Variants in SMARCA2 observed in about 807,000 individuals in gnomAD.
The protein encoded by SMARCA2 is SWI/SNF-related matrix-associated actin-dependent regulator of chromatin subfamily A member 2.
Under a neutral mutation model 199.8 loss-of-function variants are expected in SMARCA2, and 61 were observed. That is an observed-to-expected ratio of 0.31 (90% CI 0.25 to 0.38). The LOEUF is 0.38. Among genes scored for constraint, SMARCA2 ranks in the 10% least tolerant of loss-of-function variants. The probability of loss-of-function intolerance (pLI) is 1.00; values close to 1 mark genes in which losing one functional copy is unlikely to be tolerated. For missense variants in SMARCA2, 1,344 were observed against 2,012.2 expected (o/e 0.67, Z 6.35); for synonymous variants, 935 against 732.0 (o/e 1.28, Z -4.48).
chr9:2,191,104 G>T (rs1442977462), intron 32 of SMARCA2, among the ~76,000 whole-genome samples, 162 bp from the exon 33 acceptor site: 10 of 152,188 alleles, frequency 6.6e-5, no homozygotes, highest in African/African-American at 2.4e-4. Flanking sequence ...AGTGAAAGGG[G>T]TCGCTGACTA....
At chr9:2,043,848 G>A (rs758441230) in intron 4 of SMARCA2, 9 of 152,220 alleles carry the variant, frequency 5.9e-5, no homozygotes, top group Non-Finnish European at 1.2e-4. Flanking sequence ...GAGGGCCAGA[G>A]TTTCTACTTT....
intron 3 of SMARCA2, among the ~76,000 whole-genome samples, chr9:2,034,424 C>G (rs558068477): frequency 6.6e-6 from 1 of 152,266 alleles, no homozygotes; most frequent in South Asian, 2.1e-4. Flanking sequence ...CTTTTCTTCA[C>G]TGGTGAAAAC....
Position 2,178,563 on chromosome 9 carries a change from A to G in SMARCA2, c.4254-3008A>G, listed in dbSNP as rs902058278. Among the ~76,000 whole-genome samples, 18 of 152,198 alleles carry G rather than the reference A, an allele frequency of 1.2e-4. 1 individual carries two copies. Among genetic ancestry groups the G allele is most frequent in the Non-Finnish European group, 5.9e-5 (4 of 68,040 alleles). The stretch of plus-strand genomic sequence containing the variant: ...ACTATTGTTCTGTACTTAAAAAGGA[A>G]AAAAGCAACTTTCTGGCCGGGGGCA... On this transcript the variant is annotated intron_variant, in intron 29 of 33. Transcript: ENST00000349721.
chr9:2,097,350 A>G (rs1490752508), intron 20 of SMARCA2, 35 bp from the exon 21 acceptor site: 6 of 1,324,538 alleles, frequency 4.5e-6, no homozygotes, highest in Non-Finnish European at 6.5e-6. Context: ...CCAGTTAATA[A>G]TTAATTCTAT....
At chr9:2,145,669 T>G (rs1186104844) in intron 27 of SMARCA2, among the ~76,000 whole-genome samples, 1 of 152,214 alleles carries the variant, frequency 6.6e-6, no homozygotes, top group Non-Finnish European at 1.5e-5. Context: ...TTGGACTTAG[T>G]GTTCCATAAA....
rs144622611 is a variant in SMARCA2 at position 2,134,862 on chromosome 9, A to T, written c.3981+10925A>T. ...AGGTCAGCAATCTGCAAGCTGTAAG[A>T]GGGCTCTCACAGAATCCAATCATGC... On this transcript the variant is annotated intron_variant, in intron 27 of 33. Transcript: ENST00000349721. 1.2e-3 allele frequency among the ~76,000 whole-genome samples: 189 copies of T among 152,280 alleles called. 1 individual carries two copies. Among genetic ancestry groups the T allele is most frequent in the Non-Finnish European group, 8.1e-4 (55 of 68,014 alleles).
chr9:2,166,046 C>T (rs1201141772), intron 28 of SMARCA2, among the ~76,000 whole-genome samples: 6 of 152,220 alleles, frequency 3.9e-5, no homozygotes, highest in Admixed American at 2.0e-4. Flanking sequence ...AAAAGGGATG[C>T]AGCCATCTGA....
intron 8 of SMARCA2, among the ~76,000 whole-genome samples, chr9:2,060,114 TG>T (rs1820517897): frequency 1.2e-5 from 1 of 85,190 alleles, no homozygotes; most frequent in Non-Finnish European, 2.1e-5. Context: ...TGCAGATCTG[TG>T]GCCAAAAAAA....
intron 32 of SMARCA2, among the ~76,000 whole-genome samples, chr9:2,186,957 C>CCAGT (rs1200879573): frequency 5.3e-5 from 8 of 152,330 alleles, no homozygotes; most frequent in African/African-American, 1.9e-4. Context: ...GAAGAATATG[C>CCAGT]CAGTGTTTGA....
At chr9:2,184,457 A>C (rs146365575) in intron 31 of SMARCA2, among the ~76,000 whole-genome samples, 1,515 of 151,198 alleles carry the variant, frequency 0.01, 18 homozygotes, top group African/African-American at 0.032. Flanking sequence ...GGTTCAAGCA[A>C]TTCTTCTGCC....
Position 2,076,269 on chromosome 9 carries a change from A to G in SMARCA2, c.1976A>G (p.Lys659Arg). ...TCCAGTAGGCAGGAAACCGAAGAGA[A>G]AATACTCCTGGATCCAAATAGCGAA... is the stretch of plus-strand genomic sequence containing the variant. ...EESSRQETEE[K>R]ILLDPNSEEV... is the part of the protein sequence containing the mutation. Residue 659 changes from lysine (K) to arginine (R), a missense_variant, in exon 13 of 34, where the codon AAA (lysine) becomes AGA (arginine). Coordinates refer to ENST00000349721, the MANE Select transcript of SMARCA2 (RefSeq NM_003070.5). The G allele has an allele frequency of 6.2e-7, 1 of 1,612,968 alleles. No homozygotes were observed. Among genetic ancestry groups the G allele is most frequent in the Non-Finnish European group, 8.5e-7 (1 of 1,178,934 alleles).
chr9:2,097,831 CAAAA>C (rs1375846719), intron 21 of SMARCA2, among the ~76,000 whole-genome samples: 2 of 152,242 alleles, frequency 1.3e-5, no homozygotes, highest in East Asian at 3.9e-4. Flanking sequence ...TCAGCTTCCT[CAAAA>C]GAATGCCGTG....
intron 24 of SMARCA2, among the ~76,000 whole-genome samples, chr9:2,114,889 C>T (rs1011602235): frequency 6.6e-6 from 1 of 152,148 alleles, no homozygotes; most frequent in Non-Finnish European, 1.5e-5. Flanking sequence ...TAAATTTGCA[C>T]ATGTAAGATC....
At chr9:2,092,982 TGGC>T (rs1459119293) in intron 19 of SMARCA2, among the ~76,000 whole-genome samples, 1 of 152,230 alleles carries the variant, frequency 6.6e-6, no homozygotes, top group African/African-American at 2.4e-5. Flanking sequence ...TTCAGTGTGG[TGGC>T]TGTATAATTG....
rs752628897 is a variant in SMARCA2, at chr9:2,191,284, A to C, written c.4613A>C (p.Lys1538Thr). 1 of 1,614,000 alleles carries C rather than the reference A, an allele frequency of 6.2e-7. No homozygotes were observed. Among genetic ancestry groups the C allele is most frequent in the Non-Finnish European group, 8.5e-7 (1 of 1,180,008 alleles). ...GTTTTAGCAAAATCAGTCAAGGTGA[A>C]AATTAAGCTCAATAAAAAAGATGAC... The part of the protein sequence containing the change: ...SESEAKSVKV[K>T]IKLNKKDDKG... The change falls in exon 33 of 34, where the codon AAA becomes ACA. Residue 1538 changes from lysine to threonine, a missense_variant. This residue lies in a region of SMARCA2 where 155 missense variants were observed against 121.1 expected (regional missense o/e 1.28). Transcript: ENST00000349721.
Position 2,077,613 on chromosome 9 carries a change from C to G in SMARCA2, c.2037-16C>G. 6.2e-7 allele frequency: 1 copy of G among 1,611,710 alleles called. No individual in the cohort carries two copies. Among genetic ancestry groups the G allele is most frequent in the Non-Finnish European group, 8.5e-7 (1 of 1,178,226 alleles). On this transcript the variant is annotated splice_polypyrimidine_tract_variant and intron_variant, in intron 13 of 33. Coordinates refer to ENST00000349721, the MANE Select transcript of SMARCA2 (RefSeq NM_003070.5). ...GCACATGTCTGTGTGTGATTCTCCACTTTTTCCTTTCCCAGGACAGCTAAG... is the reference window on the plus strand; with the variant it reads ...GCACATGTCTGTGTGTGATTCTCCAGTTTTTCCTTTCCCAGGACAGCTAAG...
intron 22 of SMARCA2, among the ~76,000 whole-genome samples, chr9:2,103,286 G>C (rs1464094336): frequency 6.6e-6 from 1 of 152,130 alleles, no homozygotes; most frequent in African/African-American, 2.4e-5. Flanking sequence ...CCAGACAATA[G>C]AGATGAGTGA....
chr9:2,077,902 T>C (rs1478860910), intron 14 of SMARCA2, 126 bp downstream of exon 14: 31 of 787,042 alleles, frequency 3.9e-5, no homozygotes, highest in Non-Finnish European at 6.1e-5. Flanking sequence ...CTTATAATAC[T>C]GAGGTTCCTT....
rs760227940 is a variant in SMARCA2, at chr9:2,047,456, G to A, written c.1018G>A (p.Val340Met). Residue 340 changes from valine to methionine, a missense_variant, in exon 5 of 34, where the codon GTG (valine) becomes ATG (methionine). Transcript: ENST00000349721. ...PIQKPQGLDP[V>M]EILQEREYRL... Reference sequence around the variant, plus strand: ...CCAGAAACCGCAAGGCCTGGACCCCGTGGAAATTCTGCAAGAGCGGGAATA... The same window carrying A: ...CCAGAAACCGCAAGGCCTGGACCCCATGGAAATTCTGCAAGAGCGGGAATA... The A allele has an allele frequency of 3.2e-6, 5 of 1,545,110 alleles. No individual in the cohort carries two copies. Among genetic ancestry groups the A allele is most frequent in the Middle Eastern group, 1.7e-4 (1 of 5,746 alleles).
Sources: gnomAD v4.1 joint callset for allele counts (sites outside exome capture counted in the v4.1 genomes callset) on GRCh38, gnomAD v4.1.1 for gene constraint, gnomAD v4.1.1 regional missense constraint, MANE v1.5 for transcripts, NCBI Gene and HGNC (gene_info 2026-07-23, HGNC 2026-07-21) for gene names.